C4orf51: variants seen among roughly 807,000 people sequenced by gnomAD.
The protein encoded by C4orf51 is chromosome 4 open reading frame 51.
C4orf51 carries 25 observed loss-of-function variants against 25.2 expected under a neutral mutation model. The observed-to-expected ratio is 0.99, with a 90% confidence interval of 0.72 to 1.39. The LOEUF is 1.39. Among genes scored for constraint, C4orf51 ranks in the 40% most tolerant of loss-of-function variants. The probability of loss-of-function intolerance (pLI) is 0.00; values close to 1 mark genes in which losing one functional copy is unlikely to be tolerated. For synonymous variants in C4orf51, 100 were observed against 84.5 expected, an observed-to-expected ratio of 1.18 and a Z score of -1.01; for missense variants, 252 against 239.6, an observed-to-expected ratio of 1.05 and a Z score of -0.34.
intron 2 of C4orf51, among the ~76,000 whole-genome samples, chr4:145,712,047 G>A (rs965056508): frequency 2.0e-5 from 3 of 151,932 alleles, no homozygotes; most frequent in Admixed American, 6.6e-5. Context: ...TAATTGTTTT[G>A]AGACACCACA....
At position 145,681,096 on chromosome 4, in the gene C4orf51, A is replaced by G. The variant is rs551427738; in HGVS notation, c.233+660A>G. 2.0e-5 allele frequency among the ~76,000 whole-genome samples: 3 copies of G among 152,306 alleles called. No individual in the cohort carries two copies. The South Asian group carries it at 6.2e-4, about 32-fold the overall frequency. The stretch of plus-strand genomic sequence containing the variant: ...AATGGAAAAGCACACTGCATGGAGA[A>G]AGAACCATTTAGCCCCAAGCACTGT... On this transcript the variant is annotated intron_variant, in intron 1 of 5. Transcript: ENST00000438731.
Position 145,715,319 on chromosome 4 carries a change from C to T in C4orf51, c.308-11592C>T, listed in dbSNP as rs1334477156. Among the ~76,000 whole-genome samples, 3 of 152,198 alleles carry T rather than the reference C, an allele frequency of 2.0e-5. No individual in the cohort carries two copies. In the East Asian group the frequency reaches 5.8e-4, roughly 29 times the overall value. ...TCTCTTCCCTGTTTGCAGCCTCCCT[C>T]ACCACTCAGCTCTGATAATCACCTC... On this transcript the variant is annotated intron_variant, in intron 2 of 5. Coordinates refer to ENST00000438731, the MANE Select transcript of C4orf51 (RefSeq NM_001080531.3).
intron 2 of C4orf51, among the ~76,000 whole-genome samples, chr4:145,703,916 G>T (rs886347593): frequency 2.6e-5 from 4 of 152,230 alleles, no homozygotes; most frequent in African/African-American, 9.7e-5. Flanking sequence ...CTGATGTGAG[G>T]CAGAGTGATT....
Position 145,763,029 on chromosome 4 carries a change from A to G in C4orf51, n.167-7959A>G. 1 of 1,459,522 alleles carries G rather than the reference A, an allele frequency of 6.9e-7. No individual in the cohort carries two copies. Among genetic ancestry groups the G allele is most frequent in the Non-Finnish European group, 9.2e-7 (1 of 1,083,370 alleles). 90.4% of individuals were successfully genotyped at this position (1,459,522 alleles called of 1,614,324 possible). On this transcript the variant is annotated intron_variant and non_coding_transcript_variant, in intron 1 of 1. Coordinates refer to the C4orf51 transcript ENST00000510096. The surrounding 1 kb of genome is among the most constrained non-coding windows in gnomAD (Gnocchi z 4.6). ...CTCACAGAAGAGTGCACACGAGAGAAATATAAAGCCCATTCCCAGGTCAGG... is the reference window on the plus strand; with the variant it reads ...CTCACAGAAGAGTGCACACGAGAGAGATATAAAGCCCATTCCCAGGTCAGG...
chr4:145,746,485 G>A (rs1242225204), intron 1 of C4orf51, among the ~76,000 whole-genome samples: 2 of 152,026 alleles, frequency 1.3e-5, no homozygotes, highest in Non-Finnish European at 2.9e-5. Flanking sequence ...TTCCCCCCAA[G>A]GTATGTTCTT....
intron 2 of C4orf51, among the ~76,000 whole-genome samples, chr4:145,722,572 T>C (rs1731798243): frequency 1.3e-5 from 2 of 152,250 alleles, no homozygotes; most frequent in Non-Finnish European, 2.9e-5. Flanking sequence ...TCTATCCCAA[T>C]GGTTAACACA....
At chr4:145,707,718 G>A (rs1375188516) in intron 2 of C4orf51, among the ~76,000 whole-genome samples, 1 of 152,166 alleles carries the variant, frequency 6.6e-6, no homozygotes, top group Non-Finnish European at 1.5e-5. Context: ...TTTTTCTTTT[G>A]GAGGGAGGGG....
downstream of C4orf51, among the ~76,000 whole-genome samples, chr4:145,772,725 G>C (rs1736467298): frequency 6.6e-6 from 1 of 152,220 alleles, no homozygotes. Context: ...TCTTAGAGCA[G>C]CAGCATTAAA....
At chr4:145,693,923 C>A (rs1260649673) in intron 1 of C4orf51, among the ~76,000 whole-genome samples, 4 of 144,014 alleles carry the variant, frequency 2.8e-5, no homozygotes, top group African/African-American at 1.0e-4. Flanking sequence ...GGCTGCCGGG[C>A]GGAGACGCTC....
At chr4:145,714,771 A>G (rs1292956974) in intron 2 of C4orf51, among the ~76,000 whole-genome samples, 1 of 152,164 alleles carries the variant, frequency 6.6e-6, no homozygotes, top group African/African-American at 2.4e-5. Context: ...ATATAGTCAT[A>G]TCCTCCAGTC....
At chr4:145,773,712 G>A (rs900703098), downstream of C4orf51, among the ~76,000 whole-genome samples, 2 of 152,168 alleles carry the variant, frequency 1.3e-5, no homozygotes, top group African/African-American at 2.4e-5. Flanking sequence ...AATAACAGGC[G>A]AGCACTGGTG....
At chr4:145,680,507 G>T in intron 1 of C4orf51, 71 bp downstream of exon 1, 1 of 1,156,036 alleles carries the variant, frequency 8.7e-7, no homozygotes. Flanking sequence ...AGAAGAAAGA[G>T]GTATTGTAGA....
downstream of C4orf51, among the ~76,000 whole-genome samples, chr4:145,771,708 A>G (rs1341992643): frequency 6.6e-6 from 1 of 152,208 alleles, no homozygotes; most frequent in Admixed American, 6.5e-5. Flanking sequence ...CTGGAGTAAC[A>G]CCAACCCATA....
intron 1 of C4orf51, among the ~76,000 whole-genome samples, chr4:145,740,240 CAAAAAAAA>C (rs60310006): frequency 8.6e-5 from 9 of 104,832 alleles, no homozygotes; most frequent in African/African-American, 3.7e-4. Flanking sequence ...TCCCTTTCTG[CAAAAAAAA>C]AAAAAAAAAA....
intron 2 of C4orf51, among the ~76,000 whole-genome samples, chr4:145,708,094 C>G (rs1368567474): frequency 1.3e-5 from 2 of 152,206 alleles, no homozygotes; most frequent in Non-Finnish European, 2.9e-5. Flanking sequence ...TGGTAGTTAC[C>G]TGGAGAAGTG....
intron 1 of C4orf51, among the ~76,000 whole-genome samples, chr4:145,766,068 GT>G (rs1304467528): frequency 6.6e-6 from 1 of 152,092 alleles, no homozygotes; most frequent in Non-Finnish European, 1.5e-5. Context: ...ATCTCATTTT[GT>G]TTTTTCAAAA....
intron 1 of C4orf51, among the ~76,000 whole-genome samples, chr4:145,684,259 G>C (rs978852111): frequency 6.6e-6 from 1 of 152,132 alleles, no homozygotes; most frequent in Admixed American, 6.5e-5. Flanking sequence ...AAGGCAGGCA[G>C]ATCATGAGGT....
chr4:145,711,424 T>C (rs914361753), intron 2 of C4orf51, among the ~76,000 whole-genome samples: 1 of 152,208 alleles, frequency 6.6e-6, no homozygotes, highest in Admixed American at 6.5e-5. Flanking sequence ...TTTATCTTCA[T>C]GTACCTGGCT....
intron 1 of C4orf51, among the ~76,000 whole-genome samples, chr4:145,691,990 AGTT>A: frequency 6.6e-6 from 1 of 152,224 alleles, no homozygotes; most frequent in African/African-American, 2.4e-5. Flanking sequence ...TAGGAATGTA[AGTT>A]GATATTGCTC....
Sources: gnomAD v4.1 joint callset for allele counts (sites outside exome capture counted in the v4.1 genomes callset) on GRCh38, gnomAD v4.1.1 for gene constraint, Gnocchi (gnomAD v3.1) non-coding constraint, MANE v1.5 for transcripts, NCBI Gene and HGNC (gene_info 2026-07-23, HGNC 2026-07-21) for gene names.